Variants in NPFFR2 observed in about 807,000 individuals in gnomAD.
NPFFR2 encodes G-protein coupled receptor 74.
In NPFFR2, 15 loss-of-function variants were observed where a neutral mutation model predicts 13.1. That is an observed-to-expected ratio of 1.15 (90% CI 0.77 to 1.76). The LOEUF (loss-of-function observed/expected upper bound fraction) is 1.76, where lower values mean the gene tolerates loss of function less well. Ranked by LOEUF, NPFFR2 falls within the 40% of genes most tolerant of loss-of-function variation. The probability of loss-of-function intolerance (pLI) is 0.00; values close to 1 mark genes in which losing one functional copy is unlikely to be tolerated. For synonymous variants in NPFFR2, 190 were observed against 175.7 expected, an observed-to-expected ratio of 1.08 and a Z score of -0.65; for missense variants, 572 against 503.5, an observed-to-expected ratio of 1.14 and a Z score of -1.30.
intron 1 of NPFFR2, among the ~76,000 whole-genome samples, chr4:72,118,691 TATG>T (rs1237315619): frequency 6.6e-6 from 1 of 152,130 alleles, no homozygotes; most frequent in East Asian, 1.9e-4. Context: ...ACAAAAATTA[TATG>T]ATGAGATTAA....
chr4:72,114,826 G>T (rs1721664902), intron 1 of NPFFR2, among the ~76,000 whole-genome samples: 1 of 151,984 alleles, frequency 6.6e-6, no homozygotes, highest in Admixed American at 6.6e-5. Flanking sequence ...TAGCACAAAG[G>T]TTACCATAAA....
intron 1 of NPFFR2, among the ~76,000 whole-genome samples, chr4:72,054,178 A>G (rs1719672791): frequency 6.6e-6 from 1 of 151,916 alleles, no homozygotes; most frequent in African/African-American, 2.4e-5. Flanking sequence ...ACAACCTAGA[A>G]GAAACAACAA....
chr4:72,123,943 G>T (rs2109830158), intron 1 of NPFFR2, among the ~76,000 whole-genome samples: 1 of 152,256 alleles, frequency 6.6e-6, no homozygotes, highest in East Asian at 1.9e-4. Context: ...GCAATAAGGT[G>T]TATTCAATTA....
Position 72,128,950 on chromosome 4 carries a change from A to C in NPFFR2, c.328+31A>C, listed in dbSNP as rs1239178437. 3 of 1,498,252 alleles carry C rather than the reference A, an allele frequency of 2.0e-6. No homozygotes were observed. The East Asian group carries it at 6.8e-5, about 34-fold the overall frequency. 92.8% of individuals were successfully genotyped at this position (1,498,252 alleles called of 1,614,324 possible). Reference sequence around the variant, plus strand: ...TTGGCTTTTGTGCAGTTTGAAGATAATATGAAATATTTGTCCCATATTTCA... The same window carrying C: ...TTGGCTTTTGTGCAGTTTGAAGATACTATGAAATATTTGTCCCATATTTCA... On this transcript the variant is annotated intron_variant, in intron 2 of 3. Coordinates refer to ENST00000308744, the MANE Select transcript of NPFFR2 (RefSeq NM_004885.3).
intron 1 of NPFFR2, among the ~76,000 whole-genome samples, chr4:72,089,635 T>G (rs1331075297): frequency 6.6e-6 from 1 of 152,194 alleles, no homozygotes; most frequent in Non-Finnish European, 1.5e-5. Context: ...TTTTGAGAGT[T>G]GTCTATTCAT....
intron 1 of NPFFR2, among the ~76,000 whole-genome samples, chr4:72,106,934 C>T (rs1176508401): frequency 6.6e-6 from 1 of 151,938 alleles, no homozygotes; most frequent in East Asian, 1.9e-4. Flanking sequence ...AATATAGTTG[C>T]TTTCACATTG....
At chr4:72,131,004 T>C (rs748162504) in intron 2 of NPFFR2, among the ~76,000 whole-genome samples, 2 of 152,042 alleles carry the variant, frequency 1.3e-5, no homozygotes, top group Non-Finnish European at 2.9e-5. Context: ...TGATTGATGG[T>C]CCCTGGTTGA....
In NPFFR2 at chr4:72,147,036, A is replaced by G. The variant is rs754146757; in HGVS notation, c.487A>G (p.Ile163Val). The change falls in exon 4 of 4, where the codon ATT becomes GTT. Residue 163 changes from isoleucine (I) to valine (V), a missense_variant. Physicochemically the swap from Ile to Val is conservative, Grantham distance 29 (BLOSUM62 3). Coordinates refer to ENST00000308744, the MANE Select transcript of NPFFR2 (RefSeq NM_004885.3). ...PKLTIKTAFV[I>V]IMIIWVLAIT... Reference sequence around the variant, plus strand: ...GCTCACTATCAAGACAGCGTTTGTCATTATTATGATCATCTGGGTCCTAGC... The same window carrying G: ...GCTCACTATCAAGACAGCGTTTGTCGTTATTATGATCATCTGGGTCCTAGC... The G allele has an allele frequency of 1.2e-6, 2 of 1,614,158 alleles. No homozygotes were observed. Among genetic ancestry groups the G allele is most frequent in the African/African-American group, 1.3e-5 (1 of 75,048 alleles).
chr4:72,069,311 CATT>C (rs1720174024), intron 1 of NPFFR2, among the ~76,000 whole-genome samples: 1 of 152,048 alleles, frequency 6.6e-6, no homozygotes, highest in African/African-American at 2.4e-5. Flanking sequence ...CAAATTATAT[CATT>C]ATGTAAACAC....
intron 1 of NPFFR2, among the ~76,000 whole-genome samples, chr4:72,126,045 T>G (rs1403197085): frequency 2.6e-5 from 4 of 152,218 alleles, no homozygotes; most frequent in Admixed American, 1.3e-4. Flanking sequence ...AATTTAGAAA[T>G]TTTCTAATAT....
chr4:72,065,694 G>A (rs1012212147), intron 1 of NPFFR2, among the ~76,000 whole-genome samples: 8 of 152,096 alleles, frequency 5.3e-5, no homozygotes, highest in African/African-American at 1.7e-4. Context: ...CTTCTAGTAG[G>A]AGCAGCCTTT....
intron 1 of NPFFR2, among the ~76,000 whole-genome samples, chr4:72,033,317 C>T (rs1560388985): frequency 2.0e-5 from 3 of 152,110 alleles, no homozygotes. Context: ...CAATTAGAGT[C>T]TTTCATCTGT....
rs1418722459 is a variant in NPFFR2, at chr4:72,032,021, C to G, written c.-187C>G. 2 of 1,613,710 alleles carry G rather than the reference C, an allele frequency of 1.2e-6. No homozygotes were observed. The highest frequency in any genetic ancestry group is 1.3e-5 in the African/African-American group (1 of 75,048). The stretch of plus-strand genomic sequence containing the variant: ...GAGCACTCAGCGTCCAGCAGCGCGG[C>G]GGGCCAGCCTGGAGCGGAAGCCTGG... On this transcript the variant is annotated 5_prime_UTR_variant, in exon 1 of 4. Transcript: ENST00000308744.
chr4:72,094,011 G>T (rs571054669), intron 1 of NPFFR2, among the ~76,000 whole-genome samples: 1 of 152,132 alleles, frequency 6.6e-6, no homozygotes, highest in East Asian at 1.9e-4. Context: ...AGATTCTTTT[G>T]TCCCATTGGG....
chr4:72,071,708 C>A (rs1207116957), intron 1 of NPFFR2, among the ~76,000 whole-genome samples: 7 of 152,128 alleles, frequency 4.6e-5, no homozygotes, highest in Middle Eastern at 3.4e-3. Context: ...CAAAAAGGAC[C>A]CTTTCCTTTA....
At chr4:72,106,826 A>G (rs937894594) in intron 1 of NPFFR2, among the ~76,000 whole-genome samples, 5 of 151,994 alleles carry the variant, frequency 3.3e-5, no homozygotes, top group African/African-American at 7.3e-5. Flanking sequence ...TTAGAAATCA[A>G]TTAGAAAACT....
At chr4:72,035,319 A>T (rs1719015124) in intron 1 of NPFFR2, among the ~76,000 whole-genome samples, 1 of 152,226 alleles carries the variant, frequency 6.6e-6, no homozygotes, top group Admixed American at 6.5e-5. Context: ...GAAAAATCTA[A>T]AGGGATTTCT....
At chr4:72,077,022 A>G (rs1262613147) in intron 1 of NPFFR2, among the ~76,000 whole-genome samples, 1 of 152,070 alleles carries the variant, frequency 6.6e-6, no homozygotes, top group Non-Finnish European at 1.5e-5. Flanking sequence ...TCTTATTCTT[A>G]TTTTCCTCCA....
At chr4:72,120,845 C>T (rs1228116469) in intron 1 of NPFFR2, among the ~76,000 whole-genome samples, 2 of 152,176 alleles carry the variant, frequency 1.3e-5, no homozygotes, top group East Asian at 3.9e-4. Flanking sequence ...CTTTTCTCCT[C>T]CAAAGGACCA....
Sources: allele counts gnomAD v4.1 joint callset (sites outside exome capture counted in the v4.1 genomes callset), GRCh38; gene constraint gnomAD v4.1.1; transcripts MANE v1.5; gene names NCBI Gene and HGNC (gene_info 2026-07-23, HGNC 2026-07-21).